The following TRIM2 variants were observed in gnomAD, a reference collection of about 807,000 sequenced individuals.
The protein encoded by TRIM2 is tripartite motif containing 2.
Under a neutral mutation model 75.2 loss-of-function variants are expected in TRIM2, and 20 were observed. The ratio of observed to expected loss-of-function variants is 0.27; its 90% CI spans 0.19 to 0.39. TRIM2 has a LOEUF of 0.39. Ranked by LOEUF, TRIM2 falls within the 10% of genes least tolerant of loss-of-function variation. The pLI is 1.00. For missense variants in TRIM2, 660 were observed against 990.8 expected (o/e 0.67, Z 4.48); for synonymous variants, 373 against 388.3 (o/e 0.96, Z 0.46).
At chr4:153,158,075 C>G (rs1056064038) in intron 1 of TRIM2, among the ~76,000 whole-genome samples, 2 of 152,224 alleles carry the variant, frequency 1.3e-5, no homozygotes, top group Non-Finnish European at 2.9e-5. Flanking sequence ...GGTTGCCTCT[C>G]TATTCTAGAG....
chr4:153,152,683 A>G (rs1360995340), upstream of TRIM2: 1 of 151,966 alleles, frequency 6.6e-6, no homozygotes, highest in Non-Finnish European at 1.5e-5. Context: ...ACGGGAGCAG[A>G]GCAGTTGAAT....
chr4:153,315,641 T>C, intron 7 of TRIM2, 53 bp downstream of exon 7: 1 of 1,466,980 alleles, frequency 6.8e-7, no homozygotes, highest in Non-Finnish European at 9.3e-7. Flanking sequence ...AAAATATATA[T>C]AGTTACATAT....
chr4:153,263,485 T>C (rs1034922550), intron 1 of TRIM2, among the ~76,000 whole-genome samples: 4 of 152,222 alleles, frequency 2.6e-5, no homozygotes, highest in Non-Finnish European at 4.4e-5. Context: ...TTCCATGTTA[T>C]ATTTCGCTAG....
chr4:153,326,233 G>T (rs531702905), intron 10 of TRIM2, among the ~76,000 whole-genome samples: 1 of 152,006 alleles, frequency 6.6e-6, no homozygotes, highest in African/African-American at 2.4e-5. Flanking sequence ...CATTTTAGTC[G>T]GGAAAAATAG....
At chr4:153,303,215 G>T (rs1014036911) in intron 6 of TRIM2, among the ~76,000 whole-genome samples, 5 of 152,108 alleles carry the variant, frequency 3.3e-5, no homozygotes, top group African/African-American at 1.2e-4. Context: ...TGTAATCCTG[G>T]CACTTTGGGA....
At chr4:153,254,610 A>C (rs1418736058) in intron 1 of TRIM2, among the ~76,000 whole-genome samples, 1 of 152,218 alleles carries the variant, frequency 6.6e-6, no homozygotes, top group African/African-American at 2.4e-5. Context: ...GGAAGTGCCA[A>C]GGAGATGATG....
intron 6 of TRIM2, among the ~76,000 whole-genome samples, chr4:153,299,290 T>C (rs962399704): frequency 6.6e-6 from 1 of 152,194 alleles, no homozygotes; most frequent in Non-Finnish European, 1.5e-5. Flanking sequence ...TTCACCCATA[T>C]TGTCACAAAT....
intron 8 of TRIM2, among the ~76,000 whole-genome samples, chr4:153,318,717 T>G (rs1768247968): frequency 1.3e-5 from 2 of 152,214 alleles, no homozygotes; most frequent in African/African-American, 4.8e-5. Context: ...AAGCTAATAC[T>G]AAAATAGGTT....
chr4:153,170,867 A>G (rs544320843), intron 1 of TRIM2, among the ~76,000 whole-genome samples: 1 of 152,328 alleles, frequency 6.6e-6, no homozygotes, highest in East Asian at 1.9e-4. Context: ...CTGCCCAACT[A>G]GATGTGATGT....
In TRIM2 at chr4:153,244,412, TTC is replaced by T. The variant is rs1464061498; in HGVS notation, c.31-25921_31-25920del. Among the ~76,000 whole-genome samples, 153 of 92,052 alleles carry T rather than the reference TTC, an allele frequency of 1.7e-3. 8 individuals carry two copies. The highest frequency in any genetic ancestry group is 2.1e-3 in the Non-Finnish European group (106 of 51,292). The allele number at this position is 92,052 out of a possible 152,430, so 60.4% of individuals were successfully genotyped here. A position where few individuals can be genotyped will look rare whatever the true frequency, so the allele number is the denominator to read the frequency against. On this transcript the variant is annotated intron_variant, in intron 1 of 11. Coordinates refer to ENST00000338700, the MANE Select transcript of TRIM2 (RefSeq NM_015271.5). ...CTTCTTCTTCTTCTTCTTCTTCTTC[TTC>T]TTCTTCTTCTTCTTCTTCTTCTTTT...
chr4:153,156,897 T>C (rs1332153066), intron 1 of TRIM2: 1 of 152,320 alleles, frequency 6.6e-6, no homozygotes, highest in Non-Finnish European at 1.5e-5. Flanking sequence ...TGTTGTACTT[T>C]GGATGGTGGG....
At chr4:153,317,505 C>G (rs1201577396) in intron 8 of TRIM2, among the ~76,000 whole-genome samples, 3 of 151,598 alleles carry the variant, frequency 2.0e-5, no homozygotes, top group South Asian at 2.1e-4. Context: ...AAAAATTAGC[C>G]GGCCGTGGTG....
At chr4:153,210,177 G>A (rs1579584019) in intron 1 of TRIM2, among the ~76,000 whole-genome samples, 1 of 148,114 alleles carries the variant, frequency 6.8e-6, no homozygotes, top group East Asian at 2.0e-4. Context: ...CGATTCTTCT[G>A]CCTCAGCCTC....
rs754318366 is a variant in TRIM2 at position 153,295,816 on chromosome 4, G to T, written c.1290G>T (p.Leu430=). 6.2e-7 allele frequency: 1 copy of T among 1,614,120 alleles called. No individual in the cohort carries two copies. Among genetic ancestry groups the T allele is most frequent in the Non-Finnish European group, 8.5e-7 (1 of 1,180,012 alleles). Residue 430 remains leucine, a synonymous_variant, in exon 6 of 12, where the codon CTG becomes CTT. Transcript: ENST00000338700. This position sits in a 1 kb window ranked among gnomAD's most constrained non-coding sequence, Gnocchi z 7.2. The stretch of plus-strand genomic sequence containing the variant: ...TCCAGAAGGAAGGGGACTTTACCCT[G>T]TCTCTGAGACTCTATGACCAGCACA... The part of the protein sequence containing the change: ...YTVQKEGDFT[L]SLRLYDQHIR...
At chr4:153,233,723 C>T (rs1744260674) in intron 1 of TRIM2, among the ~76,000 whole-genome samples, 1 of 152,126 alleles carries the variant, frequency 6.6e-6, no homozygotes, top group African/African-American at 2.4e-5. Context: ...TGGGAAGGAA[C>T]ATTTCCTCTC....
At chr4:153,169,375 T>C (rs1170732976) in intron 1 of TRIM2, among the ~76,000 whole-genome samples, 1 of 152,202 alleles carries the variant, frequency 6.6e-6, no homozygotes, top group Non-Finnish European at 1.5e-5. Context: ...CCTATCCAGT[T>C]TGCTTTATTT....
intron 3 of TRIM2, among the ~76,000 whole-genome samples, chr4:153,280,805 C>T (rs4696449): frequency 0.22 from 32,785 of 151,966 alleles, 4,021 homozygotes; most frequent in African/African-American, 0.34. Flanking sequence ...CTGCCTCAGC[C>T]GCCCGAGTAG....
intron 2 of TRIM2, among the ~76,000 whole-genome samples, chr4:153,273,442 ATTT>A (rs11459214): frequency 1.2e-4 from 9 of 77,674 alleles, no homozygotes; most frequent in African/African-American, 6.2e-4. Flanking sequence ...CGCCCGGCTA[ATTT>A]TTTTTTTTTT....
At position 153,328,637 on chromosome 4, in the gene TRIM2, C is replaced by G; in HGVS notation, c.2130C>G (p.Ile710Met). ...TAGCAGTGGATTCAAATGGAAACAT[C>G]ATTGTGGCCGACTGGGGAAACAGCA... Reference protein sequence around the residue: ...TGVAVDSNGNIIVADWGNSRI... With the variant: ...TGVAVDSNGNMIVADWGNSRI... Residue 710 changes from isoleucine to methionine, a missense_variant, in exon 11 of 12, where the codon ATC becomes ATG. Ile to Met is a conservative substitution (Grantham distance 10). Coordinates refer to ENST00000338700, the MANE Select transcript of TRIM2 (RefSeq NM_015271.5). 1 of 1,612,122 alleles carries G rather than the reference C, an allele frequency of 6.2e-7. No homozygotes were observed.
Sources: allele counts gnomAD v4.1 joint callset (sites outside exome capture counted in the v4.1 genomes callset), GRCh38; gene constraint gnomAD v4.1.1; non-coding constraint Gnocchi (gnomAD v3.1); transcripts MANE v1.5; gene names NCBI Gene and HGNC (gene_info 2026-07-23, HGNC 2026-07-21).